Variants in NRXN1 observed in about 807,000 individuals in gnomAD.
NRXN1 encodes the protein neurexin 1, also known as neurexin-1.
In NRXN1, 39 loss-of-function variants were observed where a neutral mutation model predicts 150.9. The observed-to-expected ratio is 0.26, with a 90% CI of 0.20 to 0.34. The LOEUF (loss-of-function observed/expected upper bound fraction) is 0.34, where lower values mean the gene tolerates loss of function less well. NRXN1 is among the 10% of genes least tolerant of loss of function. NRXN1 has a pLI of 1.00. For synonymous variants in NRXN1, 924 were observed against 757.0 expected, an observed-to-expected ratio of 1.22 and a Z score of -3.62; for missense variants, 1,815 against 1,949.9, an observed-to-expected ratio of 0.93 and a Z score of 1.30.
At chr2:50,846,848 TA>T (rs765741255) in intron 5 of NRXN1, among the ~76,000 whole-genome samples, 151 of 152,330 alleles carry the variant, frequency 9.9e-4, no homozygotes, top group Non-Finnish European at 1.9e-3. Flanking sequence ...AAATTTATTT[TA>T]CAGAAGTTTT....
At chr2:50,549,891 T>C (rs577998103) in intron 9 of NRXN1, among the ~76,000 whole-genome samples, 105 of 152,262 alleles carry the variant, frequency 6.9e-4, no homozygotes, top group East Asian at 2.9e-3. Context: ...GTGGCATGTA[T>C]GTACATATGC....
chr2:50,481,760 C>CTTTGTTTTTT (rs2090474511), intron 15 of NRXN1, among the ~76,000 whole-genome samples: 1 of 82,958 alleles, frequency 1.2e-5, no homozygotes, highest in Non-Finnish European at 2.0e-5. Context: ...ACTTTTGTTT[C>CTTTGTTTTTT]TTTTTTTTTT....
chr2:50,413,036 G>A (rs567072210), intron 17 of NRXN1, among the ~76,000 whole-genome samples: 2 of 152,118 alleles, frequency 1.3e-5, no homozygotes, highest in Non-Finnish European at 2.9e-5. Flanking sequence ...AAACTTTCAT[G>A]AGGAATACAC....
intron 8 of NRXN1, among the ~76,000 whole-genome samples, chr2:50,610,481 T>C (rs1677858432): frequency 6.6e-6 from 1 of 150,864 alleles, no homozygotes; most frequent in Non-Finnish European, 1.5e-5. Flanking sequence ...ACAGCTTCCA[T>C]TGTATTATTA....
chr2:50,318,036 A>T (rs1042745312), intron 17 of NRXN1, among the ~76,000 whole-genome samples: 1 of 152,096 alleles, frequency 6.6e-6, no homozygotes, highest in African/African-American at 2.4e-5. Context: ...AAAATATACC[A>T]TAAAAAGACT....
At chr2:50,812,748 A>ATG (rs1491294358) in intron 5 of NRXN1, among the ~76,000 whole-genome samples, 26 of 141,452 alleles carry the variant, frequency 1.8e-4, no homozygotes, top group African/African-American at 5.3e-4. Context: ...GTGTGAGCGC[A>ATG]TGTGTGTGTG....
chr2:50,055,726 CT>C (rs1693497201), intron 19 of NRXN1, among the ~76,000 whole-genome samples: 1 of 152,088 alleles, frequency 6.6e-6, no homozygotes, highest in African/African-American at 2.4e-5. Context: ...TTTGAGTGTC[CT>C]TGAGTTTCAT....
chr2:50,745,886 C>T (rs1476274981), intron 5 of NRXN1, among the ~76,000 whole-genome samples: 10 of 152,016 alleles, frequency 6.6e-5, no homozygotes, highest in Admixed American at 6.6e-4. Flanking sequence ...AACTACAATT[C>T]AAGATGAAAT....
intron 5 of NRXN1, among the ~76,000 whole-genome samples, chr2:50,899,423 A>G (rs1230858461): frequency 3.3e-5 from 5 of 152,100 alleles, no homozygotes; most frequent in South Asian, 2.1e-4. Flanking sequence ...TGTTTATTCA[A>G]TTTTAGGGAC....
At chr2:49,947,845 G>A (rs942356735) in intron 21 of NRXN1, among the ~76,000 whole-genome samples, 1 of 151,916 alleles carries the variant, frequency 6.6e-6, no homozygotes, top group Non-Finnish European at 1.5e-5. Context: ...ATTAGTACAT[G>A]AAAAGTACCT....
rs965298693 is a variant in NRXN1 at position 50,182,934 on chromosome 2, C to A, written c.3546+53855G>T. ...GCAAGACCATCAGATGGTAAAATATCTAAATTATCTCACTAGAAGGCTGTT... is the reference window on the plus strand; with the variant it reads ...GCAAGACCATCAGATGGTAAAATATATAAATTATCTCACTAGAAGGCTGTT... On this transcript the variant is annotated intron_variant, in intron 18 of 22. Coordinates refer to ENST00000401669, the MANE Select transcript of NRXN1 (RefSeq NM_001330078.2). Among the ~76,000 whole-genome samples, 6 of 152,032 alleles carry A rather than the reference C, an allele frequency of 3.9e-5. No homozygotes were observed. In the East Asian group the frequency reaches 1.2e-3, roughly 29 times the overall value.
At chr2:50,053,640 T>G in intron 20 of NRXN1, 50 bp from the exon 21 acceptor site, 1 of 1,551,356 alleles carries the variant, frequency 6.4e-7, no homozygotes, top group Non-Finnish European at 8.9e-7. Context: ...GTGAACTCTA[T>G]ATCTACAATG....
chr2:50,646,126 C>T (rs939808352), intron 5 of NRXN1, among the ~76,000 whole-genome samples: 1 of 151,918 alleles, frequency 6.6e-6, no homozygotes, highest in Non-Finnish European at 1.5e-5. Context: ...AAGATCTTGA[C>T]AAACTCTAGA....
chr2:50,968,986 T>A (rs1046531822), intron 2 of NRXN1, among the ~76,000 whole-genome samples: 2 of 152,080 alleles, frequency 1.3e-5, no homozygotes, highest in African/African-American at 4.8e-5. Flanking sequence ...AACTTCATCT[T>A]CTTTTCCACC....
At chr2:50,400,445 G>T (rs1260886921) in intron 17 of NRXN1, among the ~76,000 whole-genome samples, 1 of 152,024 alleles carries the variant, frequency 6.6e-6, no homozygotes, top group Non-Finnish European at 1.5e-5. Context: ...ACATAATAAA[G>T]TGGGAACATG....
intron 12 of NRXN1, among the ~76,000 whole-genome samples, chr2:50,522,719 CATTTTTTTTTTTTTTTTT>C (rs1443540939): frequency 3.5e-5 from 3 of 86,596 alleles, no homozygotes; most frequent in African/African-American, 1.8e-4. Flanking sequence ...TATTTTTATT[CATTTTTTTTTTTTTTTTT>C]TTTTTTTTTT....
At chr2:50,311,698 A>C (rs779038995) in intron 17 of NRXN1, among the ~76,000 whole-genome samples, 3 of 152,160 alleles carry the variant, frequency 2.0e-5, no homozygotes, top group Non-Finnish European at 4.4e-5. Context: ...TAGTCAATAA[A>C]GAATCACTTT....
chr2:50,772,735 T>G (rs1017509767), intron 5 of NRXN1, among the ~76,000 whole-genome samples: 4 of 152,124 alleles, frequency 2.6e-5, no homozygotes, highest in African/African-American at 9.7e-5. Context: ...TCCTCAAATA[T>G]GGGCCAATGT....
chr2:50,312,070 C>T (rs1358648699), intron 17 of NRXN1, among the ~76,000 whole-genome samples: 2 of 152,076 alleles, frequency 1.3e-5, no homozygotes, highest in Non-Finnish European at 2.9e-5. Context: ...GTGTTAACCA[C>T]TGTATTTATT....
Sources: gnomAD v4.1 joint callset for allele counts (sites outside exome capture counted in the v4.1 genomes callset) on GRCh38, gnomAD v4.1.1 for gene constraint, MANE v1.5 for transcripts, NCBI Gene and HGNC (gene_info 2026-07-23, HGNC 2026-07-21) for gene names.